The following ZFHX3 variants were observed in gnomAD, a reference collection of about 807,000 sequenced individuals.
ZFHX3 encodes zinc finger homeobox protein 3.
A neutral mutation model predicts 279.1 loss-of-function variants in ZFHX3; 42 were observed. The observed-to-expected ratio is 0.15, with a 90% CI of 0.12 to 0.19. ZFHX3 has a LOEUF of 0.19. ZFHX3 is among the 10% of genes least tolerant of loss of function. The pLI, the probability that ZFHX3 is intolerant of heterozygous loss-of-function variation, is 1.00. For synonymous variants in ZFHX3, 2,293 were observed against 1,957.8 expected (o/e 1.17, Z -4.52); for missense variants, 4,981 against 4,754.0 (o/e 1.05, Z -1.40).
intron 1 of ZFHX3, among the ~76,000 whole-genome samples, chr16:72,986,628 T>C (rs1291721842): frequency 6.6e-6 from 1 of 152,206 alleles, no homozygotes; most frequent in African/African-American, 2.4e-5. Flanking sequence ...ACGCAAGTTA[T>C]TGAATTATCG....
At chr16:73,213,800 G>A (rs1345151989) in intron 5 of ZFHX3, among the ~76,000 whole-genome samples, 1 of 152,028 alleles carries the variant, frequency 6.6e-6, no homozygotes, top group Non-Finnish European at 1.5e-5. Flanking sequence ...TCCCATTTTT[G>A]CTCCAGTTGA....
intron 1 of ZFHX3, among the ~76,000 whole-genome samples, chr16:73,740,509 C>T (rs1597090194): frequency 6.6e-6 from 1 of 152,048 alleles, no homozygotes; most frequent in South Asian, 2.1e-4. Context: ...CTCTCTTTGG[C>T]CCTTTGCTTC....
At chr16:73,006,703 A>T (rs1963715039) in intron 1 of ZFHX3, among the ~76,000 whole-genome samples, 1 of 151,418 alleles carries the variant, frequency 6.6e-6, no homozygotes, top group Non-Finnish European at 1.5e-5. Flanking sequence ...GAAAGGAAGG[A>T]AGGTGATCAA....
chr16:73,353,146 A>C (rs2016278012), intron 3 of ZFHX3, among the ~76,000 whole-genome samples: 1 of 152,240 alleles, frequency 6.6e-6, no homozygotes, highest in Admixed American at 6.5e-5. Flanking sequence ...CTGTGCATTC[A>C]TGATTGACCT....
intron 1 of ZFHX3, among the ~76,000 whole-genome samples, chr16:73,836,480 A>G (rs142502803): frequency 9.2e-4 from 140 of 152,346 alleles, no homozygotes; most frequent in African/African-American, 3.2e-3. Context: ...GTCATTTCAT[A>G]AACACGTAAG....
At chr16:73,632,283 A>C (rs2052481286) in intron 2 of ZFHX3, among the ~76,000 whole-genome samples, 3 of 152,200 alleles carry the variant, frequency 2.0e-5, no homozygotes, top group Admixed American at 2.0e-4. Flanking sequence ...GTAAAGATGA[A>C]TATATGTTGG....
chr16:73,714,386 G>C (rs571401830), intron 1 of ZFHX3, among the ~76,000 whole-genome samples: 1 of 152,242 alleles, frequency 6.6e-6, no homozygotes, highest in South Asian at 2.1e-4. Context: ...CCCAAGCACG[G>C]GTTAGGGGAC....
At chr16:73,638,269 A>T (rs2052545411) in intron 2 of ZFHX3, among the ~76,000 whole-genome samples, 1 of 152,200 alleles carries the variant, frequency 6.6e-6, no homozygotes, top group Admixed American at 6.6e-5. Context: ...GATTGATTTG[A>T]TTTGGGCAGG....
chr16:73,279,274 C>G (rs1421246979), intron 4 of ZFHX3, among the ~76,000 whole-genome samples: 13 of 152,062 alleles, frequency 8.5e-5, no homozygotes, highest in Admixed American at 7.9e-4. Flanking sequence ...TTTTTGTTAT[C>G]AAACATCCCA....
intron 4 of ZFHX3, among the ~76,000 whole-genome samples, chr16:73,273,163 C>T (rs1333518835): frequency 6.6e-6 from 1 of 152,150 alleles, no homozygotes; most frequent in African/African-American, 2.4e-5. Context: ...TTCTAATCCT[C>T]ATGTGGTAAC....
At chr16:73,159,537 C>A (rs1032566741) in intron 5 of ZFHX3, among the ~76,000 whole-genome samples, 2 of 152,118 alleles carry the variant, frequency 1.3e-5, no homozygotes, top group Admixed American at 1.3e-4. Flanking sequence ...ACCACTTCAG[C>A]TGACACGGAG....
chr16:73,578,479 A>T (rs552714778), intron 2 of ZFHX3, among the ~76,000 whole-genome samples: 78 of 152,254 alleles, frequency 5.1e-4, no homozygotes, highest in Non-Finnish European at 1.1e-3. Context: ...GTTTGCTCAG[A>T]GGCTTTAAAA....
intron 5 of ZFHX3, among the ~76,000 whole-genome samples, chr16:73,240,523 A>C (rs1292365503): frequency 2.6e-5 from 4 of 152,164 alleles, no homozygotes; most frequent in African/African-American, 9.7e-5. Flanking sequence ...CCAGCGTTGC[A>C]GGGTATTTTA....
chr16:73,650,153 G>C (rs568976634), intron 2 of ZFHX3, among the ~76,000 whole-genome samples: 5 of 152,166 alleles, frequency 3.3e-5, no homozygotes, highest in East Asian at 3.9e-4. Context: ...TTCTCCCAAA[G>C]TGGAATAGCA....
chr16:73,543,387 G>C (rs1243550650), intron 2 of ZFHX3, among the ~76,000 whole-genome samples: 1 of 152,204 alleles, frequency 6.6e-6, no homozygotes, highest in African/African-American at 2.4e-5. Context: ...TTCAATGGGA[G>C]GGATTAATTG....
intron 2 of ZFHX3, among the ~76,000 whole-genome samples, chr16:73,508,401 G>A (rs2019364720): frequency 6.6e-6 from 1 of 152,182 alleles, no homozygotes; most frequent in East Asian, 1.9e-4. Flanking sequence ...TATTTCTGGA[G>A]CAGCAATAAG....
At chr16:73,194,904 C>T (rs1968111635) in intron 5 of ZFHX3, among the ~76,000 whole-genome samples, 1 of 152,170 alleles carries the variant, frequency 6.6e-6, no homozygotes. Context: ...TTATGAAGAA[C>T]TCTCTTAAGT....
At chr16:73,671,221 A>C (rs1251751299) in intron 2 of ZFHX3, among the ~76,000 whole-genome samples, 2 of 152,254 alleles carry the variant, frequency 1.3e-5, no homozygotes, top group Non-Finnish European at 2.9e-5. Context: ...GTTATTGACC[A>C]GGATTAACCA....
intron 6 of ZFHX3, among the ~76,000 whole-genome samples, chr16:73,141,043 T>C (rs1363059881): frequency 6.6e-6 from 1 of 152,192 alleles, no homozygotes; most frequent in Non-Finnish European, 1.5e-5. Context: ...TGCTGCCACT[T>C]ACACTCTACA....
Sources: gnomAD v4.1 joint callset for allele counts (sites outside exome capture counted in the v4.1 genomes callset) on GRCh38, gnomAD v4.1.1 for gene constraint, MANE v1.5 for transcripts, NCBI Gene and HGNC (gene_info 2026-07-23, HGNC 2026-07-21) for gene names.